PGAP1: variants seen among roughly 807,000 people sequenced by gnomAD.
PGAP1 encodes GPI inositol-deacylase.
PGAP1 carries 76 observed loss-of-function variants against 127.0 expected under a neutral mutation model. The observed-to-expected ratio is 0.60, with a 90% CI of 0.50 to 0.72. The LOEUF (loss-of-function observed/expected upper bound fraction) is 0.72, where lower values mean the gene tolerates loss of function less well. PGAP1 is among the 30% of genes least tolerant of loss of function. The pLI, the probability that PGAP1 is intolerant of heterozygous loss-of-function variation, is 0.00. For missense variants in PGAP1, 982 were observed against 1,071.3 expected (o/e 0.92, Z 1.16); for synonymous variants, 362 against 366.5 (o/e 0.99, Z 0.14).
intron 19 of PGAP1, among the ~76,000 whole-genome samples, chr2:196,868,179 AG>A (rs1701300661): frequency 6.6e-6 from 1 of 152,180 alleles, no homozygotes; most frequent in Non-Finnish European, 1.5e-5. Context: ...CAGGGATGTA[AG>A]GCTTAAATAT....
At chr2:196,918,141 T>G (rs1023631607) in intron 2 of PGAP1, among the ~76,000 whole-genome samples, 3 of 152,206 alleles carry the variant, frequency 2.0e-5, no homozygotes, top group Non-Finnish European at 4.4e-5. Flanking sequence ...CTCTTCATAG[T>G]GAAGCCAGAG....
chr2:196,880,842 G>T lies in PGAP1; in HGVS notation c.1273-689C>A, dbSNP rs77617514. Among the ~76,000 whole-genome samples, 645 of 152,090 alleles carry T rather than the reference G, an allele frequency of 4.2e-3. 8 individuals are homozygous for T. The highest frequency in any genetic ancestry group is 0.014 in the African/African-American group (601 of 41,488). On this transcript the variant is annotated intron_variant, in intron 12 of 26. Transcript: ENST00000354764. ...ATGAAAAGCCAAGGCACCAAATACA[G>T]GTTTTTTTGTTTTCTTTCTTGTTTT...
At chr2:196,919,018 G>A (rs543189580) in intron 2 of PGAP1, among the ~76,000 whole-genome samples, 114 of 152,004 alleles carry the variant, frequency 7.5e-4, no homozygotes, top group Non-Finnish European at 1.5e-3. Context: ...CTCTAGTCAC[G>A]ATAGCCTCCA....
intron 2 of PGAP1, among the ~76,000 whole-genome samples, chr2:196,918,919 C>G (rs978502543): frequency 3.3e-5 from 5 of 152,160 alleles, no homozygotes; most frequent in African/African-American, 9.7e-5. Context: ...TTACCCAAAG[C>G]TCTCCAACAG....
intron 9 of PGAP1, 152 bp downstream of exon 9, chr2:196,892,194 A>T (rs1232705972): frequency 4.0e-6 from 2 of 495,024 alleles, no homozygotes; most frequent in Admixed American, 8.0e-5. Context: ...GATAAAACTG[A>T]TTACTGACTA....
intron 19 of PGAP1, 72 bp downstream of exon 19, chr2:196,870,869 G>A: frequency 7.4e-7 from 1 of 1,352,616 alleles, no homozygotes; most frequent in Non-Finnish European, 1.0e-6. Context: ...TATGGAAAAA[G>A]TCTACAACCC....
chr2:196,925,336 A>G (rs952046757), intron 1 of PGAP1, among the ~76,000 whole-genome samples: 2 of 152,212 alleles, frequency 1.3e-5, no homozygotes, highest in African/African-American at 4.8e-5. Flanking sequence ...CAAAGAAGCA[A>G]TCAGGACTTG....
In PGAP1 at chr2:196,893,202, T is replaced by C. The variant is rs1702161322; in HGVS notation, c.971A>G (p.His324Arg). The C allele has an allele frequency of 1.9e-6, 3 of 1,601,002 alleles. No individual in the cohort carries two copies. The highest frequency in any genetic ancestry group is 2.6e-6 in the Non-Finnish European group (3 of 1,171,660). Reference protein sequence around the residue: ...SKKKLSVLYHHFIRHPSKHFE... With the variant: ...SKKKLSVLYHRFIRHPSKHFE... Reference sequence around the variant, plus strand: ...ATGTTTTGATGGGTGTCTTATAAAGTGGTGATACAAAACTGACAGTTTCTT... The same window carrying C: ...ATGTTTTGATGGGTGTCTTATAAAGCGGTGATACAAAACTGACAGTTTCTT... The change falls in exon 8 of 27, where the codon CAC becomes CGC. Residue 324 changes from histidine (H) to arginine (R), a missense_variant. Coordinates refer to ENST00000354764, the MANE Select transcript of PGAP1 (RefSeq NM_024989.4).
chr2:196,875,174 TGCAATGTG>T (rs1701526657), intron 14 of PGAP1, among the ~76,000 whole-genome samples: 1 of 152,174 alleles, frequency 6.6e-6, no homozygotes, highest in South Asian at 2.1e-4. Flanking sequence ...GACAACTAAA[TGCAATGTG>T]GAAACCTGGA....
rs1323109862 is a variant in PGAP1, at chr2:196,838,193, G to A, written c.*3041C>T. Reference sequence around the variant, plus strand: ...TATTTGATCTGGTTATCAACAATAGGGTCTAGGAGTTAAGCACAAAACTTA... The same window carrying A: ...TATTTGATCTGGTTATCAACAATAGAGTCTAGGAGTTAAGCACAAAACTTA... On this transcript the variant is annotated 3_prime_UTR_variant, in exon 27 of 27. Coordinates refer to ENST00000354764, the MANE Select transcript of PGAP1 (RefSeq NM_024989.4). 6.6e-6 allele frequency: 1 copy of A among 152,084 alleles called. No homozygotes were observed. The highest frequency in any genetic ancestry group is 6.5e-5 in the Admixed American group (1 of 15,272). The allele number at this position is 152,084 out of a possible 1,614,324, so 9.4% of individuals were successfully genotyped here.
At chr2:196,890,956 T>G in intron 9 of PGAP1, 45 bp from the exon 10 acceptor site, 2 of 974,236 alleles carry the variant, frequency 2.1e-6, no homozygotes, top group Non-Finnish European at 3.3e-6. Context: ...AATGAGCAGA[T>G]TAGTTTCATC....
In PGAP1 at chr2:196,926,512, A is replaced by C. The variant is rs759403292; in HGVS notation, c.105T>G (p.Asn35Lys). The C allele has an allele frequency of 1.2e-6, 2 of 1,613,150 alleles. No homozygotes were observed. Among genetic ancestry groups the C allele is most frequent in the Admixed American group, 3.3e-5 (2 of 59,990 alleles). ...LWDVFFGFEE[N>K]KCSMSYMFEY... ...CAAACATGTAGCTCATACTGCACTT[A>C]TTCTCCTCGAAGCCGAAGAAGACAT... Residue 35 changes from asparagine to lysine, a missense_variant, in exon 1 of 27, where the codon AAT (asparagine) becomes AAG (lysine). Physicochemically the swap from Asn to Lys is moderately conservative, Grantham distance 94. Coordinates refer to ENST00000354764, the MANE Select transcript of PGAP1 (RefSeq NM_024989.4).
At chr2:196,873,344 CTTTACTGTTA>C (rs566724511) in intron 16 of PGAP1, among the ~76,000 whole-genome samples, 174 bp downstream of exon 16, 4 of 151,970 alleles carry the variant, frequency 2.6e-5, no homozygotes, top group Admixed American at 1.3e-4. Context: ...GATAAAAATG[CTTTACTGTTA>C]AGAAAGGGTC....
intron 12 of PGAP1, among the ~76,000 whole-genome samples, chr2:196,883,530 A>G (rs900332240): frequency 2.0e-5 from 3 of 152,230 alleles, no homozygotes; most frequent in Non-Finnish European, 4.4e-5. Context: ...CTAATATGAA[A>G]CATTAATTAG....
chr2:196,858,602 A>C (rs1700966821), intron 20 of PGAP1, among the ~76,000 whole-genome samples: 1 of 152,146 alleles, frequency 6.6e-6, no homozygotes, highest in African/African-American at 2.4e-5. Flanking sequence ...TAAAAAACCT[A>C]ATGATGCATC....
chr2:196,912,784 TA>T, intron 4 of PGAP1, 97 bp downstream of exon 4: 1 of 1,148,860 alleles, frequency 8.7e-7, no homozygotes, highest in Non-Finnish European at 1.2e-6. Context: ...CATACATGGA[TA>T]AATCTGTAGC....
intron 23 of PGAP1, 123 bp downstream of exon 23, chr2:196,845,759 G>A (rs559786313): frequency 7.0e-4 from 461 of 660,014 alleles, no homozygotes; most frequent in Non-Finnish European, 1.0e-3. Flanking sequence ...ATTCAAACCC[G>A]TTATGTAACA....
intron 2 of PGAP1, 62 bp downstream of exon 2, chr2:196,919,935 T>A: frequency 2.0e-6 from 3 of 1,506,866 alleles, no homozygotes; most frequent in Admixed American, 1.9e-5. Context: ...CGAGTATGGA[T>A]ATGATTCAAA....
chr2:196,926,203 G>C (rs1206370102), intron 1 of PGAP1, among the ~76,000 whole-genome samples: 1 of 151,986 alleles, frequency 6.6e-6, no homozygotes, highest in Non-Finnish European at 1.5e-5. Context: ...GAGGCGGAGG[G>C]ACAGCGGAGT....
Sources: allele counts gnomAD v4.1 joint callset (sites outside exome capture counted in the v4.1 genomes callset), GRCh38; gene constraint gnomAD v4.1.1; transcripts MANE v1.5; gene names NCBI Gene and HGNC (gene_info 2026-07-23, HGNC 2026-07-21).